DAO: variants seen among roughly 807,000 people sequenced by gnomAD.
DAO encodes the protein D-amino-acid oxidase.
In DAO, 51 loss-of-function variants were observed where a neutral mutation model predicts 50.1. That is an observed-to-expected ratio of 1.02 (90% CI 0.81 to 1.29). The LOEUF is 1.29. Ranked by LOEUF, DAO falls within the 50% of genes most tolerant of loss-of-function variation. DAO has a pLI of 0.00. For missense variants in DAO, 436 were observed against 439.4 expected, an observed-to-expected ratio of 0.99 and a Z score of 0.07; for synonymous variants, 160 against 166.2, an observed-to-expected ratio of 0.96 and a Z score of 0.29.
chr12:108,899,511 C>G (rs748004248), intron 10 of DAO, 36 bp downstream of exon 10: 9 of 1,542,602 alleles, frequency 5.8e-6, no homozygotes, highest in South Asian at 1.1e-5. Flanking sequence ...ATGCCCTCTT[C>G]CACTCCTCAG....
chr12:108,881,201 T>C (rs1012193792), intron 1 of DAO, among the ~76,000 whole-genome samples: 25 of 106,856 alleles, frequency 2.3e-4, no homozygotes, highest in African/African-American at 1.1e-3. Flanking sequence ...CACACACAAA[T>C]ATAATAATCC....
chr12:108,887,285 A>G (rs2039445332), intron 2 of DAO, among the ~76,000 whole-genome samples, 165 bp from the exon 3 acceptor site: 1 of 152,016 alleles, frequency 6.6e-6, no homozygotes, highest in African/African-American at 2.4e-5. Context: ...TTTAGGAGGG[A>G]GAAGACCCAA....
intron 4 of DAO, 78 bp from the exon 5 acceptor site, chr12:108,890,130 C>T: frequency 8.1e-7 from 1 of 1,232,994 alleles, no homozygotes; most frequent in Non-Finnish European, 1.2e-6. Context: ...CAACATTGCT[C>T]CCACCTCCAT....
chr12:108,886,760 C>T (rs2039440094), intron 2 of DAO, among the ~76,000 whole-genome samples: 1 of 152,176 alleles, frequency 6.6e-6, no homozygotes, highest in African/African-American at 2.4e-5. Flanking sequence ...GCCACTGCAA[C>T]CAGCCAGAAT....
chr12:108,889,627 A>G, intron 4 of DAO, 82 bp downstream of exon 4: 2 of 1,125,320 alleles, frequency 1.8e-6, no homozygotes, highest in Non-Finnish European at 2.7e-6. Flanking sequence ...GGGTAGAGGC[A>G]CCAGATTTCC....
In DAO at chr12:108,893,019, G is replaced by A. The variant is rs1451688633; in HGVS notation, c.490G>A (p.Val164Met). The change falls in exon 6 of 11, where the codon GTG becomes ATG. Residue 164 changes from valine (V) to methionine (M), a missense_variant. By Grantham distance (21) the Val-to-Met change is conservative. Transcript: ENST00000228476. Reference sequence around the variant, plus strand: ...GGGAGTGAAGTTCTTCCAGCGGAAAGTGGAGTCTTTTGAGGAGGTGAGTTG... The same window carrying A: ...GGGAGTGAAGTTCTTCCAGCGGAAAATGGAGTCTTTTGAGGAGGTGAGTTG... ...ERGVKFFQRK[V>M]ESFEEVAREG... The A allele has an allele frequency of 3.7e-6, 6 of 1,613,932 alleles. No individual in the cohort carries two copies. The highest frequency in any genetic ancestry group is 5.1e-6 in the Non-Finnish European group (6 of 1,179,976).
intron 5 of DAO, among the ~76,000 whole-genome samples, chr12:108,892,159 C>CTTTTTTTT (rs11356161): frequency 2.7e-4 from 29 of 108,988 alleles, no homozygotes; most frequent in Non-Finnish European, 3.4e-4. Flanking sequence ...TTTCTTTCTT[C>CTTTTTTTT]TTTTTTTTTT....
At chr12:108,883,363 G>A (rs565776380) in intron 1 of DAO, among the ~76,000 whole-genome samples, 1 of 152,196 alleles carries the variant, frequency 6.6e-6, no homozygotes, top group East Asian at 1.9e-4. Context: ...GGCCAGACTG[G>A]TCTTGAAGTC....
intron 1 of DAO, among the ~76,000 whole-genome samples, chr12:108,882,478 A>T (rs2039392084): frequency 6.6e-6 from 1 of 152,136 alleles, no homozygotes; most frequent in South Asian, 2.1e-4. Context: ...GTACCATTGC[A>T]CTCCAGCCTG....
Position 108,900,371 on chromosome 12 carries a change from G to A in DAO, c.913-33G>A, listed in dbSNP as rs191345652. On this transcript the variant is annotated intron_variant, in intron 10 of 10. Transcript: ENST00000228476. ...ATCTATTCTTTCCACTGTCCCTCTC[G>A]GACCTGGCCACCTTCTCTCTTGCCT... 2.7e-4 allele frequency: 429 copies of A among 1,612,574 alleles called. 1 individual carries two copies. The highest frequency in any genetic ancestry group is 3.2e-4 in the Non-Finnish European group (380 of 1,179,260).
chr12:108,884,885 A>G, intron 1 of DAO, 113 bp from the exon 2 acceptor site: 1 of 979,948 alleles, frequency 1.0e-6, no homozygotes, highest in East Asian at 2.4e-5. Context: ...CAAATATAAA[A>G]AGGGCTTGGT....
intron 5 of DAO, among the ~76,000 whole-genome samples, chr12:108,891,790 G>A (rs2039494856): frequency 6.6e-6 from 1 of 152,004 alleles, no homozygotes; most frequent in Admixed American, 6.6e-5. Flanking sequence ...TGTAGAGATA[G>A]GGTCTCACTA....
chr12:108,898,702 G>A lies in DAO; in HGVS notation c.719G>A (p.Gly240Asp). The A allele has an allele frequency of 6.2e-7, 1 of 1,613,280 alleles. No homozygotes were observed. Among genetic ancestry groups the A allele is most frequent in the Admixed American group, 1.7e-5 (1 of 60,002 alleles). Residue 240 changes from glycine (G) to aspartate (D), a missense_variant, in exon 9 of 11, where the codon GGC becomes GAC. Transcript: ENST00000228476. ...AGGACCCAGACAGTTACTCTTGGAG[G>A]CATCTTCCAGTTGGGAAACTGGAGT... The part of the protein sequence containing the change: ...IPGTQTVTLG[G>D]IFQLGNWSEL...
At chr12:108,899,143 G>A (rs542672408) in intron 9 of DAO, among the ~76,000 whole-genome samples, 68 of 152,248 alleles carry the variant, frequency 4.5e-4, no homozygotes, top group African/African-American at 1.6e-3. Flanking sequence ...TATGGTGGTG[G>A]CTGATGGTGA....
chr12:108,884,856 TA>T, intron 1 of DAO, 141 bp from the exon 2 acceptor site: 2 of 780,178 alleles, frequency 2.6e-6, no homozygotes, highest in South Asian at 2.9e-5. Flanking sequence ...TCCTTCCTCC[TA>T]GGGGTCATCG....
intron 5 of DAO, among the ~76,000 whole-genome samples, chr12:108,890,664 C>G (rs148538519): frequency 3.3e-5 from 5 of 152,154 alleles, no homozygotes; most frequent in Admixed American, 3.3e-4. Flanking sequence ...TGGCCAATAC[C>G]TCTAGAACAA....
At chr12:108,893,851 G>C (rs2039517592) in intron 6 of DAO, among the ~76,000 whole-genome samples, 1 of 152,132 alleles carries the variant, frequency 6.6e-6, no homozygotes, top group African/African-American at 2.4e-5. Flanking sequence ...GAAGGCAAGA[G>C]AATAAAGTTA....
chr12:108,891,960 T>C (rs528429589), intron 5 of DAO, among the ~76,000 whole-genome samples: 3 of 152,162 alleles, frequency 2.0e-5, no homozygotes, highest in South Asian at 4.2e-4. Flanking sequence ...TTGGGAATCA[T>C]TGTACTAAGA....
At chr12:108,898,608 A>T (rs1439738686) in intron 8 of DAO, 71 bp from the exon 9 acceptor site, 2 of 1,022,794 alleles carry the variant, frequency 2.0e-6, no homozygotes, top group Non-Finnish European at 3.1e-6. Context: ...GACAAGGTTG[A>T]TGGTAATGAC....
Sources: allele counts gnomAD v4.1 joint callset (sites outside exome capture counted in the v4.1 genomes callset), GRCh38; gene constraint gnomAD v4.1.1; transcripts MANE v1.5; gene names NCBI Gene and HGNC (gene_info 2026-07-23, HGNC 2026-07-21).